The following DOCK4 variants were observed in gnomAD, a reference collection of about 807,000 sequenced individuals.
DOCK4 encodes dedicator of cytokinesis 4.
In DOCK4, 97 loss-of-function variants were observed where a neutral mutation model predicts 268.1. The ratio of observed to expected loss-of-function variants is 0.36; its 90% confidence interval spans 0.31 to 0.43. DOCK4 has a LOEUF of 0.43. DOCK4 is among the 20% of genes least tolerant of loss of function. DOCK4 has a pLI of 1.00. For missense variants in DOCK4, 2,145 were observed against 2,455.7 expected, an observed-to-expected ratio of 0.87 and a Z score of 2.67; for synonymous variants, 954 against 887.2, an observed-to-expected ratio of 1.08 and a Z score of -1.34.
Position 111,821,630 on chromosome 7 carries a change from A to G in DOCK4, c.2930+732T>C, listed in dbSNP as rs1255068049. Reference sequence around the variant, plus strand: ...GATATGCTTAATATAAACTGAATTTATCATCTTCTAGAGATTCCAATATCG... The same window carrying G: ...GATATGCTTAATATAAACTGAATTTGTCATCTTCTAGAGATTCCAATATCG... On this transcript the variant is annotated intron_variant, in intron 27 of 52. Coordinates refer to ENST00000428084, the MANE Select transcript of DOCK4 (RefSeq NM_001363540.2). 4 of 152,138 alleles carry G rather than the reference A, an allele frequency of 2.6e-5. No individual in the cohort carries two copies. In the East Asian group the frequency reaches 7.7e-4, roughly 29 times the overall value. The allele number at this position is 152,138 out of a possible 1,614,324, so 9.4% of individuals were successfully genotyped here. A position where few individuals can be genotyped will look rare whatever the true frequency, so the allele number is the denominator to read the frequency against.
chr7:112,002,869 G>A lies in DOCK4; in HGVS notation c.121+1179C>T, dbSNP rs558690070. 6.6e-5 allele frequency among the ~76,000 whole-genome samples: 10 copies of A among 152,086 alleles called. No individual in the cohort carries two copies. In the South Asian group the frequency reaches 2.1e-3, roughly 32 times the overall value. ...GTTCGAGGACAGCCTGGCCAACATG[G>A]TGAAATCCCATCTCTACTAAAAATA... On this transcript the variant is annotated intron_variant, in intron 2 of 52. Transcript: ENST00000428084.
At chr7:111,783,088 G>C (rs1468780204) in intron 34 of DOCK4, among the ~76,000 whole-genome samples, 164 bp from the exon 35 acceptor site, 2 of 151,822 alleles carry the variant, frequency 1.3e-5, no homozygotes, top group African/African-American at 4.8e-5. Flanking sequence ...CGTTCATTTA[G>C]ATACATGTTC....
In DOCK4 at chr7:112,060,782, A is replaced by T. The variant is rs545248663; in HGVS notation, c.38-56651T>A. On this transcript the variant is annotated intron_variant, in intron 1 of 52. Transcript: ENST00000428084. ...TAATCAGAGTAGTCAAAAACACAGAAAATACAATGGAGGTTGCCAGGGGCT... is the reference window on the plus strand; with the variant it reads ...TAATCAGAGTAGTCAAAAACACAGATAATACAATGGAGGTTGCCAGGGGCT... Among the ~76,000 whole-genome samples, 19 of 152,290 alleles carry T rather than the reference A, an allele frequency of 1.2e-4. 2 individuals are homozygous for T. Among genetic ancestry groups the T allele is most frequent in the African/African-American group, 4.1e-4 (17 of 41,572 alleles).
intron 12 of DOCK4, among the ~76,000 whole-genome samples, chr7:111,917,567 G>A (rs1586364890): frequency 1.3e-5 from 2 of 152,012 alleles, no homozygotes; most frequent in Non-Finnish European, 2.9e-5. Flanking sequence ...TTAGCCCAGC[G>A]TGGTGGCAGG....
chr7:111,872,894 T>G (rs985860387), intron 17 of DOCK4, among the ~76,000 whole-genome samples: 7 of 152,178 alleles, frequency 4.6e-5, no homozygotes, highest in Non-Finnish European at 1.0e-4. Flanking sequence ...CACTTACAAA[T>G]CCTTACAAAT....
chr7:112,156,707 T>C lies in DOCK4; in HGVS notation c.37+49395A>G, dbSNP rs2285731. Among the ~76,000 whole-genome samples, 997 of 152,300 alleles carry C rather than the reference T, an allele frequency of 6.5e-3. 32 individuals carry two copies. In the East Asian group the frequency reaches 0.11, roughly 16 times the overall value. On this transcript the variant is annotated intron_variant, in intron 1 of 52. Coordinates refer to ENST00000428084, the MANE Select transcript of DOCK4 (RefSeq NM_001363540.2). ...CAAATAGATGAAGTTCAGAAGAAAT[T>C]ACTGACATACTTAATTATATACTTG...
chr7:111,750,481 T>C (rs747205491), intron 42 of DOCK4, among the ~76,000 whole-genome samples: 1 of 152,192 alleles, frequency 6.6e-6, no homozygotes, highest in Non-Finnish European at 1.5e-5. Context: ...GAAAATGGAA[T>C]GTTTCATAAT....
chr7:112,081,956 G>C (rs555505263), intron 1 of DOCK4, among the ~76,000 whole-genome samples: 14 of 152,108 alleles, frequency 9.2e-5, no homozygotes, highest in Non-Finnish European at 1.9e-4. Context: ...CCTCTTACCA[G>C]CTCTGTGACA....
intron 1 of DOCK4, among the ~76,000 whole-genome samples, chr7:112,034,959 C>T (rs1351497344): frequency 6.6e-6 from 1 of 152,054 alleles, no homozygotes; most frequent in Admixed American, 6.6e-5. Flanking sequence ...GGGTAACCAG[C>T]CATCTTTTTA....
At chr7:112,163,796 G>A (rs960812963) in intron 1 of DOCK4, among the ~76,000 whole-genome samples, 1 of 152,166 alleles carries the variant, frequency 6.6e-6, no homozygotes, top group Non-Finnish European at 1.5e-5. Context: ...CCTGGTGACA[G>A]AAGTTATACT....
At chr7:112,184,161 T>C (rs1284056215) in intron 1 of DOCK4, among the ~76,000 whole-genome samples, 1 of 152,234 alleles carries the variant, frequency 6.6e-6, no homozygotes, top group Non-Finnish European at 1.5e-5. Flanking sequence ...ATTTAACAGA[T>C]GCATGAGTTT....
At chr7:111,931,022 TCAGAGAGAGAGAC>T (rs1794158804) in intron 12 of DOCK4, among the ~76,000 whole-genome samples, 1 of 152,042 alleles carries the variant, frequency 6.6e-6, no homozygotes, top group African/African-American at 2.4e-5. Flanking sequence ...CTAGAAAGGA[TCAGAGAGAGAGAC>T]CAGAGAAACA....
chr7:111,823,868 T>G (rs1435329609), intron 26 of DOCK4, among the ~76,000 whole-genome samples: 1 of 152,238 alleles, frequency 6.6e-6, no homozygotes, highest in Non-Finnish European at 1.5e-5. Flanking sequence ...ATTATGGTTG[T>G]CACTCATGTG....
chr7:111,758,388 C>T (rs1045246739), intron 41 of DOCK4, among the ~76,000 whole-genome samples: 1 of 152,152 alleles, frequency 6.6e-6, no homozygotes, highest in Non-Finnish European at 1.5e-5. Flanking sequence ...GGACCTCCTC[C>T]CAGACCAACT....
chr7:111,795,160 C>A (rs1038599238), intron 30 of DOCK4, among the ~76,000 whole-genome samples: 1 of 152,146 alleles, frequency 6.6e-6, no homozygotes, highest in Admixed American at 6.5e-5. Flanking sequence ...AGGCATATCA[C>A]CTGGGCCTTG....
At chr7:111,940,064 G>A (rs1795081470) in intron 11 of DOCK4, 46 bp downstream of exon 11, 3 of 1,604,246 alleles carry the variant, frequency 1.9e-6, no homozygotes, top group Non-Finnish European at 2.6e-6. Flanking sequence ...GGACCCACAT[G>A]TACCCCTGTG....
chr7:112,119,107 T>A (rs1054142992), intron 1 of DOCK4, among the ~76,000 whole-genome samples: 1 of 152,190 alleles, frequency 6.6e-6, no homozygotes, highest in African/African-American at 2.4e-5. Context: ...CAAGTCATTA[T>A]GTCATTCCAT....
At chr7:111,911,304 T>A (rs1792080215) in intron 13 of DOCK4, among the ~76,000 whole-genome samples, 1 of 152,206 alleles carries the variant, frequency 6.6e-6, no homozygotes, top group Non-Finnish European at 1.5e-5. Context: ...TTAGAGCCAC[T>A]GGTGAGAATG....
intron 7 of DOCK4, among the ~76,000 whole-genome samples, chr7:111,983,858 G>GCACACACACACACA (rs1300676029): frequency 2.2e-5 from 2 of 89,944 alleles, no homozygotes; most frequent in African/African-American, 7.2e-5. Flanking sequence ...GCGCGCGCGC[G>GCACACACACACACA]CGCGCACACA....
Sources: gnomAD v4.1 joint callset for allele counts (sites outside exome capture counted in the v4.1 genomes callset) on GRCh38, gnomAD v4.1.1 for gene constraint, MANE v1.5 for transcripts, NCBI Gene and HGNC (gene_info 2026-07-23, HGNC 2026-07-21) for gene names.